CLN8: variants seen among roughly 807,000 people sequenced by gnomAD.
The protein encoded by CLN8 is CLN8 transmembrane ER and ERGIC protein, also known as protein CLN8.
A neutral mutation model predicts 15.7 loss-of-function variants in CLN8; 14 were observed. The ratio of observed to expected loss-of-function variants is 0.89; its 90% confidence interval spans 0.59 to 1.39. The LOEUF is 1.39. CLN8 is among the 40% of genes most tolerant of loss of function. The pLI, the probability that CLN8 is intolerant of heterozygous loss-of-function variation, is 0.00. For missense variants in CLN8, 415 were observed against 364.0 expected (o/e 1.14, Z -1.14); for synonymous variants, 188 against 151.0 (o/e 1.25, Z -1.80).
At position 1,780,329 on chromosome 8, in the gene CLN8, C is replaced by T. The variant is rs796052363; in HGVS notation, c.623C>T (p.Thr208Ile). 6.2e-7 allele frequency: 1 copy of T among 1,614,272 alleles called. No homozygotes were observed. Among genetic ancestry groups the T allele is most frequent in the South Asian group, 1.1e-5 (1 of 91,092 alleles). The stretch of plus-strand genomic sequence containing the variant: ...ATGTTTCACTGCCGCATGGTTCTAA[C>T]CTACCACATGTGGTGGGTGTGTTTC... ...IHMFHCRMVL[T>I]YHMWWVCFWH... The change falls in exon 3 of 3, where the codon ACC (threonine) becomes ATC (isoleucine). Residue 208 changes from threonine (T) to isoleucine (I), a missense_variant. By Grantham distance (89) the Thr-to-Ile change is moderately conservative. Coordinates refer to ENST00000331222, the MANE Select transcript of CLN8 (RefSeq NM_018941.4).
Position 1,780,266 on chromosome 8 carries a change from C to G in CLN8, c.560C>G (p.Ser187Cys), listed in dbSNP as rs775174607. The G allele has an allele frequency of 3.1e-6, 5 of 1,614,250 alleles. No individual in the cohort carries two copies. The African/African-American group carries it at 5.3e-5, about 17-fold the overall frequency. The change falls in exon 3 of 3, where the codon TCT becomes TGT. Residue 187 changes from serine to cysteine, a missense_variant. Coordinates refer to ENST00000331222, the MANE Select transcript of CLN8 (RefSeq NM_018941.4). Reference protein sequence around the residue: ...WMLLKAGWSESLFWKLNQWLM... With the variant: ...WMLLKAGWSECLFWKLNQWLM... ...TCCATGCAGGCGGGCTGGTCCGAGT[C>G]TCTGTTTTGGAAGCTCAACCAGTGG... is the stretch of plus-strand genomic sequence containing the variant.
upstream of CLN8, among the ~76,000 whole-genome samples, chr8:1,761,413 C>T (rs1800793648): frequency 6.6e-6 from 1 of 152,190 alleles, no homozygotes; most frequent in Non-Finnish European, 1.5e-5. Flanking sequence ...CAACCTCCGC[C>T]TTCAGGGTTC....
chr8:1,768,405 G>A (rs1801152290), intron 1 of CLN8, among the ~76,000 whole-genome samples: 1 of 152,190 alleles, frequency 6.6e-6, no homozygotes, highest in African/African-American at 2.4e-5. Context: ...TTCCACTGAG[G>A]TGGATTTGAG....
chr8:1,762,102 G>C (rs942232682), upstream of CLN8: 3 of 152,256 alleles, frequency 2.0e-5, no homozygotes, highest in African/African-American at 4.8e-5. Context: ...AAGTAGGATG[G>C]AGTTGGTTAG....
In CLN8 at chr8:1,785,782, G is replaced by C. The variant is rs890686435; in HGVS notation, c.*5215G>C. ...GGCGGCGTGGGGTTAGACAGGTACTGGTCAGATGCACGGGCTCCCTAAACC... is the reference window on the plus strand; with the variant it reads ...GGCGGCGTGGGGTTAGACAGGTACTCGTCAGATGCACGGGCTCCCTAAACC... On this transcript the variant is annotated 3_prime_UTR_variant, in exon 3 of 3. Coordinates refer to ENST00000331222, the MANE Select transcript of CLN8 (RefSeq NM_018941.4). 24 of 177,042 alleles carry C rather than the reference G, an allele frequency of 1.4e-4. No individual in the cohort carries two copies. Among genetic ancestry groups the C allele is most frequent in the Non-Finnish European group, 2.3e-4 (19 of 80,956 alleles). The allele number at this position is 177,042 out of a possible 1,614,324, so 11.0% of individuals were successfully genotyped here.
chr8:1,783,850 C>T lies in CLN8; in HGVS notation c.*3283C>T, dbSNP rs922758465. The stretch of plus-strand genomic sequence containing the variant: ...TGATGACGTGCCCAAGGTGACGCAA[C>T]TCGTGAACAGCCGTGCCTGCCTTGG... On this transcript the variant is annotated 3_prime_UTR_variant, in exon 3 of 3. Transcript: ENST00000331222. 6.6e-6 allele frequency: 1 copy of T among 152,246 alleles called. No homozygotes were observed. The highest frequency in any genetic ancestry group is 2.4e-5 in the African/African-American group (1 of 41,460). 9.4% of individuals were successfully genotyped at this position (152,246 alleles called of 1,614,324 possible). A position where few individuals can be genotyped will look rare whatever the true frequency, so the allele number is the denominator to read the frequency against.
At chr8:1,770,571 C>G (rs1406903173) in intron 1 of CLN8, among the ~76,000 whole-genome samples, 1 of 152,122 alleles carries the variant, frequency 6.6e-6, no homozygotes, top group South Asian at 2.1e-4. Context: ...CAAAGTGTAT[C>G]CCAGTGTAAT....
At position 1,771,267 on chromosome 8, in the gene CLN8, A is replaced by T; in HGVS notation, c.213A>T (p.Ala71=). 6.2e-7 allele frequency: 1 copy of T among 1,613,834 alleles called. No homozygotes were observed. The highest frequency in any genetic ancestry group is 8.5e-7 in the Non-Finnish European group (1 of 1,179,756). The part of the protein sequence containing the change: ...KVFWDLAATR[A]VFGVQSTAAG... The stretch of plus-strand genomic sequence containing the variant: ...TCTGGGACCTGGCGGCCACGCGTGC[A>T]GTCTTTGGTGTTCAGAGCACAGCCG... The change falls in exon 2 of 3, where the codon GCA becomes GCT. Residue 71 remains alanine (A), a synonymous_variant. Coordinates refer to ENST00000331222, the MANE Select transcript of CLN8 (RefSeq NM_018941.4).
Position 1,781,466 on chromosome 8 carries a change from C to T in CLN8, c.*899C>T, listed in dbSNP as rs978706996. Reference sequence around the variant, plus strand: ...CGCTGAGGGGTAGTGACTCCTGTAGCAGCAGAGACGCCTTGGAGTTTAACC... The same window carrying T: ...CGCTGAGGGGTAGTGACTCCTGTAGTAGCAGAGACGCCTTGGAGTTTAACC... On this transcript the variant is annotated 3_prime_UTR_variant, in exon 3 of 3. Transcript: ENST00000331222. 2 of 151,190 alleles carry T rather than the reference C, an allele frequency of 1.3e-5. No homozygotes were observed. The highest frequency in any genetic ancestry group is 4.9e-5 in the African/African-American group (2 of 41,090). The allele number at this position is 151,190 out of a possible 1,614,324, so 9.4% of individuals were successfully genotyped here. A position where few individuals can be genotyped will look rare whatever the true frequency, so the allele number is the denominator to read the frequency against.
upstream of CLN8, chr8:1,762,609 G>T (rs540259671): frequency 6.6e-6 from 1 of 152,284 alleles, no homozygotes; most frequent in African/African-American, 2.4e-5. Context: ...GAATGTCAAC[G>T]TTTTCCCACA....
In CLN8 at chr8:1,780,414, C is replaced by T. The variant is rs200760828; in HGVS notation, c.708C>T (p.Val236=). 25 of 1,614,218 alleles carry T rather than the reference C, an allele frequency of 1.5e-5. No individual in the cohort carries two copies. In the African/African-American group the frequency reaches 2.0e-4, roughly 13 times the overall value. The change falls in exon 3 of 3, where the codon GTC becomes GTT. Residue 236 remains valine (V), a synonymous_variant. Transcript: ENST00000331222. ...TGCCTCATTTGACACTGTTCCTTGT[C>T]GGACTGGCTCTGCTTACGCTAATCA... ...LYLPHLTLFL[V]GLALLTLIIN...
At chr8:1,774,938 G>A (rs1801453946) in intron 2 of CLN8, among the ~76,000 whole-genome samples, 1 of 152,124 alleles carries the variant, frequency 6.6e-6, no homozygotes, top group African/African-American at 2.4e-5. Context: ...CTGTGATTAC[G>A]CCACTGCACT....
In CLN8 at chr8:1,780,443, A is replaced by G. The variant is rs771460721; in HGVS notation, c.737A>G (p.Asn246Ser). 1 of 1,614,238 alleles carries G rather than the reference A, an allele frequency of 6.2e-7. No homozygotes were observed. The highest frequency in any genetic ancestry group is 8.5e-7 in the Non-Finnish European group (1 of 1,180,052). ...VGLALLTLII[N>S]PYWTHKKTQQ... ...CTGGCTCTGCTTACGCTAATCATTAATCCATATTGGACCCATAAGAAGACT... is the reference window on the plus strand; with the variant it reads ...CTGGCTCTGCTTACGCTAATCATTAGTCCATATTGGACCCATAAGAAGACT... Residue 246 changes from asparagine (N) to serine (S), a missense_variant, in exon 3 of 3, where the codon AAT (asparagine) becomes AGT (serine). Asn to Ser is a conservative substitution (Grantham distance 46). Transcript: ENST00000331222.
At chr8:1,756,054 GGAA>G (rs1316438817) in exon 1 of CLN8, 3 of 152,180 alleles carry the variant, frequency 2.0e-5, no homozygotes, top group East Asian at 3.8e-4. Flanking sequence ...CTGCTGTGTG[GGAA>G]GAAGATTTGT....
At position 1,780,801 on chromosome 8, in the gene CLN8, G is replaced by T; in HGVS notation, c.*234G>T. ...TCTGTCAGTTTAGCCGCGCCGGACC[G>T]TGTCAAGCATCTAGGAGAGGAGTCC... On this transcript the variant is annotated 3_prime_UTR_variant, in exon 3 of 3. Transcript: ENST00000331222. 1.7e-6 allele frequency: 1 copy of T among 581,710 alleles called. No homozygotes were observed. Among genetic ancestry groups the T allele is most frequent in the Non-Finnish European group, 3.0e-6 (1 of 328,906 alleles). The allele number at this position is 581,710 out of a possible 1,614,324, so 36.0% of individuals were successfully genotyped here. A position where few individuals can be genotyped will look rare whatever the true frequency, so the allele number is the denominator to read the frequency against.
chr8:1,763,216 G>A (rs970087948), upstream of CLN8: 5 of 151,880 alleles, frequency 3.3e-5, no homozygotes, highest in African/African-American at 1.2e-4. Context: ...AGAACGGCGC[G>A]GTCAGGCTCT....
At position 1,781,426 on chromosome 8, in the gene CLN8, G is replaced by A. The variant is rs529235902; in HGVS notation, c.*859G>A. 1.4e-5 allele frequency: 2 copies of A among 147,044 alleles called. No individual in the cohort carries two copies. Among genetic ancestry groups the A allele is most frequent in the South Asian group, 2.2e-4 (1 of 4,574 alleles). 9.1% of individuals were successfully genotyped at this position (147,044 alleles called of 1,614,324 possible). Reference sequence around the variant, plus strand: ...GTACGGCAGTGCCATCTGGTGGCAAGTGGTACAAAGACAACGCTGAGGGGT... The same window carrying A: ...GTACGGCAGTGCCATCTGGTGGCAAATGGTACAAAGACAACGCTGAGGGGT... On this transcript the variant is annotated 3_prime_UTR_variant, in exon 3 of 3. Coordinates refer to ENST00000331222, the MANE Select transcript of CLN8 (RefSeq NM_018941.4).
At chr8:1,772,948 A>C in intron 2 of CLN8, 2 of 398,630 alleles carry the variant, frequency 5.0e-6, no homozygotes, top group Non-Finnish European at 8.8e-6. Context: ...CGAGAGGAAA[A>C]ATAAGCATAA....
chr8:1,769,647 G>C (rs563812421), intron 1 of CLN8, among the ~76,000 whole-genome samples: 3 of 152,158 alleles, frequency 2.0e-5, no homozygotes, highest in Non-Finnish European at 2.9e-5. Context: ...GTTTCCTGCC[G>C]TGTAAAAGGA....
Sources: gnomAD v4.1 joint callset for allele counts (sites outside exome capture counted in the v4.1 genomes callset) on GRCh38, gnomAD v4.1.1 for gene constraint, MANE v1.5 for transcripts, NCBI Gene and HGNC (gene_info 2026-07-23, HGNC 2026-07-21) for gene names.